Variants in ORC3 observed in about 807,000 individuals in gnomAD.
The protein encoded by ORC3 is homolog of latheo, Drosophila.
Under a neutral mutation model 100.7 loss-of-function variants are expected in ORC3, and 78 were observed. That is an observed-to-expected ratio of 0.77 (90% CI 0.65 to 0.94). ORC3 has a LOEUF of 0.94. ORC3 is among the 40% of genes least tolerant of loss of function. The probability of loss-of-function intolerance (pLI) is 0.00; values close to 1 mark genes in which losing one functional copy is unlikely to be tolerated. For synonymous variants in ORC3, 295 were observed against 289.3 expected (o/e 1.02, Z -0.20); for missense variants, 789 against 823.9 (o/e 0.96, Z 0.52).
the ORC3 span, chr6:87,675,142 G>A: frequency 1.3e-5 from 2 of 156,932 alleles, no homozygotes; most frequent in African/African-American, 4.8e-5. Flanking sequence ...CTATTTCACA[G>A]GAAGCACTGC....
chr6:87,599,303 T>C (rs946089685), intron 2 of ORC3, among the ~76,000 whole-genome samples: 55 of 152,244 alleles, frequency 3.6e-4, no homozygotes, highest in African/African-American at 1.3e-3. Context: ...AAAGTGACTA[T>C]TTTTGTTCTT....
chr6:87,636,222 G>A (rs896801065), intron 12 of ORC3, among the ~76,000 whole-genome samples, 185 bp from the exon 13 acceptor site: 1 of 152,096 alleles, frequency 6.6e-6, no homozygotes, highest in Non-Finnish European at 1.5e-5. Context: ...GTGAGCCACC[G>A]CGCCTGGCCG....
At chr6:87,676,177 G>A in the ORC3 span, among the ~76,000 whole-genome samples, 32 of 129,300 alleles carry the variant, frequency 2.5e-4, no homozygotes, top group Admixed American at 2.2e-3. Flanking sequence ...CTAACAAAAA[G>A]GCTGGGACCG....
At chr6:87,642,704 C>T (rs913198127) in intron 13 of ORC3, among the ~76,000 whole-genome samples, 3 of 151,550 alleles carry the variant, frequency 2.0e-5, no homozygotes, top group Non-Finnish European at 2.9e-5. Flanking sequence ...AGATTGAGAC[C>T]ATCCTGGCTA....
Position 87,664,768 on chromosome 6 carries a change from G to A in ORC3, c.1859G>A (p.Gly620Asp). The A allele has an allele frequency of 6.2e-7, 1 of 1,614,038 alleles. No individual in the cohort carries two copies. The highest frequency in any genetic ancestry group is 2.2e-5 in the East Asian group (1 of 44,878). Residue 620 changes from glycine (G) to aspartate (D), a missense_variant, in exon 18 of 20, where the codon GGC (glycine) becomes GAC (aspartate). Transcript: ENST00000392844. The stretch of plus-strand genomic sequence containing the variant: ...AATGAAGCACTGAAAAGCGAAGAAG[G>A]CTGCATTCCGAATATCGCCCCAGAC... Reference protein sequence around the residue: ...LKNEALKSEEGCIPNIAPDIC... With the variant: ...LKNEALKSEEDCIPNIAPDIC...
chr6:87,622,647 C>CCT (rs28381509), intron 11 of ORC3, among the ~76,000 whole-genome samples: 10,071 of 152,046 alleles, frequency 0.066, 452 homozygotes, highest in African/African-American at 0.13. Flanking sequence ...CTTCGTTTCA[C>CCT]CTGTCTTCCA....
intron 2 of ORC3, among the ~76,000 whole-genome samples, chr6:87,597,040 A>G (rs1446453498): frequency 6.6e-6 from 1 of 152,158 alleles, no homozygotes; most frequent in East Asian, 1.9e-4. Flanking sequence ...GAAAAAATGC[A>G]GGGTGAGAGT....
Position 87,664,798 on chromosome 6 carries a change from G to A in ORC3, c.1889G>A (p.Cys630Tyr). ...GCIPNIAPDI[C>Y]IAYKLHLECS... The stretch of plus-strand genomic sequence containing the variant: ...ATTCCGAATATCGCCCCAGACATCT[G>A]CATAGCATACAAACTGCACCTAGAG... Residue 630 changes from cysteine to tyrosine, a missense_variant, in exon 18 of 20, where the codon TGC becomes TAC. Around this residue, in one of 3 missense-constraint regions of ORC3, gnomAD observed 366 missense variants for 394.2 expected, o/e 0.93. Transcript: ENST00000392844. 1 of 1,614,102 alleles carries A rather than the reference G, an allele frequency of 6.2e-7. No homozygotes were observed. The highest frequency in any genetic ancestry group is 8.5e-7 in the Non-Finnish European group (1 of 1,179,974).
chr6:87,619,900 T>TG (rs1779417434), intron 9 of ORC3, among the ~76,000 whole-genome samples: 1 of 152,178 alleles, frequency 6.6e-6, no homozygotes. Flanking sequence ...CTCACTCTGT[T>TG]GCCCAGGCTG....
chr6:87,671,596 T>C (rs1770833198), downstream of ORC3, among the ~76,000 whole-genome samples: 1 of 152,026 alleles, frequency 6.6e-6, no homozygotes, highest in Non-Finnish European at 1.5e-5. Context: ...GGGGCACACC[T>C]ATGTTTTAGC....
intron 13 of ORC3, among the ~76,000 whole-genome samples, chr6:87,651,744 C>A (rs1170143982): frequency 1.3e-5 from 2 of 152,116 alleles, no homozygotes; most frequent in East Asian, 3.8e-4. Context: ...TCTCAGTAAT[C>A]ATAGTCTACT....
chr6:87,650,130 C>T (rs1769143171), intron 13 of ORC3, among the ~76,000 whole-genome samples: 1 of 147,690 alleles, frequency 6.8e-6, no homozygotes, highest in African/African-American at 2.5e-5. Context: ...GATCACGGCT[C>T]ACTGCAGCCT....
rs1432271454 is a variant in ORC3, at chr6:87,605,964, G to GC, written c.373dup (p.Leu125ProfsTer4). ...TTTGACATTCGGAAGTCTAACAGAGGCCCTTCAGAATAATGTCACACCATA... is the reference window on the plus strand; with the variant it reads ...TTTGACATTCGGAAGTCTAACAGAGGCCCCTTCAGAATAATGTCACACCATA... On this transcript the variant is annotated frameshift_variant, in exon 5 of 20. Coordinates refer to ENST00000392844, the MANE Select transcript of ORC3 (RefSeq NM_012381.4). LOFTEE classifies it high-confidence loss of function. The GC allele has an allele frequency of 1.9e-6, 3 of 1,610,892 alleles. No homozygotes were observed. The highest frequency in any genetic ancestry group is 2.5e-6 in the Non-Finnish European group (3 of 1,177,420).
At chr6:87,675,606 A>G in the ORC3 span, 2 of 1,614,100 alleles carry the variant, frequency 1.2e-6, no homozygotes, top group East Asian at 2.2e-5. Flanking sequence ...TTCATGAAAC[A>G]TCTAAAGGGT....
At chr6:87,676,735 G>A in the ORC3 span, among the ~76,000 whole-genome samples, 1 of 151,344 alleles carries the variant, frequency 6.6e-6, no homozygotes, top group African/African-American at 2.4e-5. Flanking sequence ...AGCCAAGATC[G>A]TGCCACTGCA....
rs1769761608 is a variant in ORC3 at position 87,656,987 on chromosome 6, G to A, written c.1593+5G>A. The A allele has an allele frequency of 1.3e-6, 2 of 1,591,704 alleles. No individual in the cohort carries two copies. The highest frequency in any genetic ancestry group is 2.7e-5 in the African/African-American group (2 of 74,746). ...GACCTCTATCATCTTCAGAAGGTCA[G>A]GTCACTCTCTTCCCTTCCAGCTGCA... is the stretch of plus-strand genomic sequence containing the variant. On this transcript the variant is annotated splice_donor_5th_base_variant and intron_variant, in intron 15 of 19. Coordinates refer to ENST00000392844, the MANE Select transcript of ORC3 (RefSeq NM_012381.4).
intron 11 of ORC3, among the ~76,000 whole-genome samples, chr6:87,631,737 C>G (rs1241722249): frequency 6.6e-6 from 1 of 152,100 alleles, no homozygotes; most frequent in Non-Finnish European, 1.5e-5. Flanking sequence ...GGTGATCCAC[C>G]CGCCTCGGCC....
chr6:87,592,584 G>A (rs1242251333), intron 1 of ORC3, among the ~76,000 whole-genome samples: 1 of 152,032 alleles, frequency 6.6e-6, no homozygotes, highest in African/African-American at 2.4e-5. Flanking sequence ...AGCCAAGATT[G>A]TGCCATTGCA....
Position 87,636,443 on chromosome 6 carries a change from A to G in ORC3, c.1339A>G (p.Ile447Val). The stretch of plus-strand genomic sequence containing the variant: ...GTACTGTACATGTTTAGAAAAGAAC[A>G]TATGGGATTCAGAGGAGTATGCATC... ...ELYCTCLEKN[I>V]WDSEEYASVL... The change falls in exon 13 of 20, where the codon ATA becomes GTA. Residue 447 changes from isoleucine to valine, a missense_variant. Physicochemically the swap from Ile to Val is conservative, Grantham distance 29. Transcript: ENST00000392844. 2.5e-6 allele frequency: 4 copies of G among 1,612,344 alleles called. No individual in the cohort carries two copies. The highest frequency in any genetic ancestry group is 1.1e-5 in the South Asian group (1 of 91,024).
Sources: gnomAD v4.1 joint callset for allele counts (sites outside exome capture counted in the v4.1 genomes callset) on GRCh38, gnomAD v4.1.1 for gene constraint, gnomAD v4.1.1 regional missense constraint, MANE v1.5 for transcripts, NCBI Gene and HGNC (gene_info 2026-07-23, HGNC 2026-07-21) for gene names.